The following IBTK variants were observed in gnomAD, a reference collection of about 807,000 sequenced individuals.
IBTK encodes the protein inhibitor of Bruton tyrosine kinase.
In IBTK, 83 loss-of-function variants were observed where a neutral mutation model predicts 154.9. That is an observed-to-expected ratio of 0.54 (90% confidence interval 0.45 to 0.64). The LOEUF (loss-of-function observed/expected upper bound fraction) is 0.64, where lower values mean the gene tolerates loss of function less well. Among genes scored for constraint, IBTK ranks in the 30% least tolerant of loss-of-function variants. The probability of loss-of-function intolerance (pLI) is 0.00; values close to 1 mark genes in which losing one functional copy is unlikely to be tolerated. For missense variants in IBTK, 1,332 were observed against 1,584.6 expected (o/e 0.84, Z 2.71); for synonymous variants, 515 against 536.1 (o/e 0.96, Z 0.54).
At chr6:82,173,630 T>C (rs1335089328) in intron 26 of IBTK, 192 bp from the exon 27 acceptor site, 7 of 369,426 alleles carry the variant, frequency 1.9e-5, no homozygotes, top group Non-Finnish European at 3.4e-5. Context: ...GTATAAAATA[T>C]CATAGAGAAA....
At chr6:82,190,408 C>T (rs1768719048) in intron 25 of IBTK, among the ~76,000 whole-genome samples, 1 of 152,140 alleles carries the variant, frequency 6.6e-6, no homozygotes, top group South Asian at 2.1e-4. Flanking sequence ...ATGTAGTTCT[C>T]CAGTATTGGT....
intron 5 of IBTK, 57 bp downstream of exon 5, chr6:82,227,135 T>C (rs756493771): frequency 1.0e-5 from 12 of 1,182,300 alleles, no homozygotes; most frequent in African/African-American, 1.6e-5. Flanking sequence ...ATTAAATCTT[T>C]CAGCTTATCA....
chr6:82,217,770 T>C lies in IBTK; in HGVS notation c.1426+190A>G, dbSNP rs182200870. Among the ~76,000 whole-genome samples, 31 of 152,290 alleles carry C rather than the reference T, an allele frequency of 2.0e-4. 1 individual carries two copies. The highest frequency in any genetic ancestry group is 1.9e-3 in the Admixed American group (29 of 15,284). ...GGAAATATGCCAAAGGCTAAGGATA[T>C]AGACGAATATTCATGGCCCTTGCCA... On this transcript the variant is annotated intron_variant, in intron 10 of 28. Coordinates refer to ENST00000306270, the MANE Select transcript of IBTK (RefSeq NM_015525.4).
At chr6:82,198,776 C>G (rs900082525) in intron 21 of IBTK, among the ~76,000 whole-genome samples, 5 of 151,982 alleles carry the variant, frequency 3.3e-5, no homozygotes, top group Non-Finnish European at 7.4e-5. Context: ...ATTTTATAGT[C>G]ACAATTCATG....
intron 5 of IBTK, among the ~76,000 whole-genome samples, chr6:82,225,923 G>T (rs996822960): frequency 1.1e-4 from 17 of 151,856 alleles, no homozygotes; most frequent in African/African-American, 4.1e-4. Context: ...GTGCAAATTT[G>T]TTTGGTATGA....
At chr6:82,203,186 TATC>T (rs909283580) in intron 17 of IBTK, among the ~76,000 whole-genome samples, 3 of 152,110 alleles carry the variant, frequency 2.0e-5, no homozygotes, top group South Asian at 2.1e-4. Context: ...ATCACAATCT[TATC>T]ATAATATTCT....
rs1381145239 is a variant in IBTK at position 82,191,801 on chromosome 6, T to C, written c.3417A>G (p.Pro1139=). 1 of 1,599,364 alleles carries C rather than the reference T, an allele frequency of 6.3e-7. No individual in the cohort carries two copies. Among genetic ancestry groups the C allele is most frequent in the Non-Finnish European group, 8.6e-7 (1 of 1,166,786 alleles). The change falls in exon 24 of 29, where the codon CCA becomes CCG. Residue 1139 remains proline, a synonymous_variant. Transcript: ENST00000306270. ...TTTCAACCCACCCTAAATGTGACTT[T>C]GGTGTAGCTCCACATTTTTGTCTAC... ...EESRQKCGAT[P]KSHLGKTVSH...
chr6:82,228,644 C>T (rs1438583618), intron 4 of IBTK, among the ~76,000 whole-genome samples: 3 of 148,202 alleles, frequency 2.0e-5, no homozygotes, highest in Non-Finnish European at 3.0e-5. Context: ...TTTTTTGAGA[C>T]GGAGTCTCGC....
At chr6:82,219,571 A>G (rs1053260262) in intron 9 of IBTK, among the ~76,000 whole-genome samples, 2 of 59,134 alleles carry the variant, frequency 3.4e-5, no homozygotes, top group Admixed American at 3.9e-4. Context: ...GATGGCTCCC[A>G]CCCTCCCACC....
Position 82,181,908 on chromosome 6 carries a change from A to C in IBTK, c.3696T>G (p.Ile1232Met), listed in dbSNP as rs1348569121. 1.3e-6 allele frequency: 2 copies of C among 1,583,362 alleles called. No individual in the cohort carries two copies. The highest frequency in any genetic ancestry group is 2.4e-5 in the South Asian group (2 of 84,612). Residue 1232 changes from isoleucine to methionine, a missense_variant, in exon 26 of 29, where the codon ATT becomes ATG. Transcript: ENST00000306270. ...DHVKKVSFKG[I>M]ENSQAPKIVR... ...CAATTTTTGGTGCCTGAGAATTTTC[A>C]ATTCCTTTAAAAGAAACTTTTTTGA...
intron 25 of IBTK, among the ~76,000 whole-genome samples, chr6:82,185,567 A>T: frequency 6.7e-6 from 1 of 149,566 alleles, no homozygotes; most frequent in East Asian, 1.9e-4. Context: ...CTTTAAAACC[A>T]ATGCATACGA....
At chr6:82,213,220 G>C (rs1015681152) in intron 12 of IBTK, among the ~76,000 whole-genome samples, 2 of 151,986 alleles carry the variant, frequency 1.3e-5, no homozygotes, top group Non-Finnish European at 2.9e-5. Context: ...GTAGAGACAG[G>C]GTTTCGCCAT....
Position 82,220,638 on chromosome 6 carries a change from T to A in IBTK, c.1200A>T (p.Glu400Asp). 6.2e-7 allele frequency: 1 copy of A among 1,613,098 alleles called. No homozygotes were observed. The highest frequency in any genetic ancestry group is 1.7e-5 in the Admixed American group (1 of 59,852). Residue 400 changes from glutamate (E) to aspartate (D), a missense_variant, in exon 9 of 29, where the codon GAA becomes GAT. Glu to Asp is a conservative substitution (Grantham distance 45). Transcript: ENST00000306270. Reference sequence around the variant, plus strand: ...GAATGCAAATTTTTTGACCCCCATTTTCTTTCAAATGTTCAGGATCAACCT... The same window carrying A: ...GAATGCAAATTTTTTGACCCCCATTATCTTTCAAATGTTCAGGATCAACCT... ...EYKVDPEHLK[E>D]NGGQKICILA... is the part of the protein sequence containing the mutation.
chr6:82,200,553 G>T (rs1331929706), intron 20 of IBTK, 34 bp downstream of exon 20: 2 of 1,461,792 alleles, frequency 1.4e-6, no homozygotes, highest in Non-Finnish European at 1.8e-6. Context: ...GGAAGAAAAG[G>T]AGGAAAAGAA....
Position 82,214,362 on chromosome 6 carries a change from T to C in IBTK, c.2069A>G (p.Gln690Arg). The C allele has an allele frequency of 6.2e-7, 1 of 1,614,148 alleles. No individual in the cohort carries two copies. Among genetic ancestry groups the C allele is most frequent in the South Asian group, 1.1e-5 (1 of 91,086 alleles). ...CTGCCTCTCACTAACTGTTTGAGCT[T>C]GATTACTTTTGTAAACTTCAAATGC... The part of the protein sequence containing the change: ...KSAFEVYKSN[Q>R]AQTVSERQKS... The change falls in exon 12 of 29, where the codon CAA (glutamine) becomes CGA (arginine). Residue 690 changes from glutamine to arginine, a missense_variant. Transcript: ENST00000306270.
chr6:82,191,854 G>A lies in IBTK; in HGVS notation c.3364C>T (p.Leu1122Phe). The A allele has an allele frequency of 6.2e-7, 1 of 1,610,834 alleles. No individual in the cohort carries two copies. The highest frequency in any genetic ancestry group is 8.5e-7 in the Non-Finnish European group (1 of 1,177,448). ...TCTTCTATTTCCATGATAGTTCTGA[G>A]ATCCACAACAGGAGGGCTGACAGGA... ...FSPVSPPVVD[L>F]RTIMEIEESR... The change falls in exon 24 of 29, where the codon CTC becomes TTC. Residue 1122 changes from leucine (L) to phenylalanine (F), a missense_variant. By Grantham distance (22) the Leu-to-Phe change is conservative. Around this residue, in one of 3 missense-constraint regions of IBTK, gnomAD observed 1,134 missense variants for 1,274.7 expected, o/e 0.89. Transcript: ENST00000306270.
intron 1 of IBTK, 54 bp downstream of exon 1, chr6:82,247,508 C>T: frequency 2.5e-6 from 1 of 398,570 alleles, no homozygotes; most frequent in Non-Finnish European, 4.4e-6. Flanking sequence ...CCCCTGCCCC[C>T]GGGCTGAAGG....
At chr6:82,215,146 C>T (rs538006559) in intron 11 of IBTK, among the ~76,000 whole-genome samples, 45 of 152,312 alleles carry the variant, frequency 3.0e-4, no homozygotes, top group African/African-American at 1.1e-3. Flanking sequence ...TTTCACCCTT[C>T]TCAGTAGGAA....
chr6:82,183,112 TAAAG>T (rs766680614), intron 25 of IBTK, among the ~76,000 whole-genome samples: 26 of 152,286 alleles, frequency 1.7e-4, no homozygotes, highest in Admixed American at 9.8e-4. Flanking sequence ...AAAAGGGTAA[TAAAG>T]AAATCTTATA....
Sources: allele counts gnomAD v4.1 joint callset (sites outside exome capture counted in the v4.1 genomes callset), GRCh38; gene constraint gnomAD v4.1.1; regional missense constraint gnomAD v4.1.1; transcripts MANE v1.5; gene names NCBI Gene and HGNC (gene_info 2026-07-23, HGNC 2026-07-21).